CATSPERE: variants seen among roughly 807,000 people sequenced by gnomAD.
CATSPERE encodes cation channel sperm-associated auxiliary subunit epsilon.
A neutral mutation model predicts 114.1 loss-of-function variants in CATSPERE; 93 were observed. The ratio of observed to expected loss-of-function variants is 0.81; its 90% CI spans 0.69 to 0.97. CATSPERE has a LOEUF of 0.97. CATSPERE is among the 50% of genes least tolerant of loss of function. The pLI is 0.00. For missense variants in CATSPERE, 1,058 were observed against 1,131.6 expected, an observed-to-expected ratio of 0.93 and a Z score of 0.93; for synonymous variants, 341 against 384.1, an observed-to-expected ratio of 0.89 and a Z score of 1.31.
chr1:244,461,593 G>A, intron 1 of CATSPERE, 99 bp downstream of exon 1: 1 of 965,120 alleles, frequency 1.0e-6, no homozygotes, highest in South Asian at 5.1e-5. Flanking sequence ...CCTCGGGACC[G>A]CTCGCCCTGG....
intron 11 of CATSPERE, among the ~76,000 whole-genome samples, chr1:244,578,943 T>TTCCC (rs1665754668): frequency 6.6e-6 from 1 of 151,710 alleles, no homozygotes; most frequent in African/African-American, 2.4e-5. Context: ...GTTCAACATT[T>TTCCC]TCTTGTGATG....
chr1:244,619,223 A>G (rs1671780270), intron 20 of CATSPERE, among the ~76,000 whole-genome samples: 2 of 152,218 alleles, frequency 1.3e-5, no homozygotes, highest in Non-Finnish European at 2.9e-5. Flanking sequence ...AGGAGCATAC[A>G]TAAGTTAGCT....
At chr1:244,490,864 T>G (rs1671991906) in intron 6 of CATSPERE, among the ~76,000 whole-genome samples, 1 of 152,180 alleles carries the variant, frequency 6.6e-6, no homozygotes, top group South Asian at 2.1e-4. Context: ...AATTAACATA[T>G]AATAAATTTA....
At chr1:244,599,882 C>A (rs1464836109) in intron 17 of CATSPERE, among the ~76,000 whole-genome samples, 3 of 152,096 alleles carry the variant, frequency 2.0e-5, no homozygotes, top group Non-Finnish European at 2.9e-5. Context: ...TACAGTTTTT[C>A]AGCTTTGGGC....
chr1:244,591,810 G>T, intron 15 of CATSPERE, 79 bp downstream of exon 15: 2 of 868,746 alleles, frequency 2.3e-6, no homozygotes, highest in Admixed American at 2.6e-5. Context: ...TTATTCAGTG[G>T]ATTATTATTA....
At chr1:244,566,692 T>C (rs1346720504) in intron 10 of CATSPERE, among the ~76,000 whole-genome samples, 1 of 133,524 alleles carries the variant, frequency 7.5e-6, no homozygotes, top group Non-Finnish European at 1.6e-5. Context: ...TTTTTTGCTT[T>C]CCATTTGCTT....
intron 20 of CATSPERE, among the ~76,000 whole-genome samples, chr1:244,620,455 T>A (rs1671945642): frequency 6.6e-6 from 1 of 152,186 alleles, no homozygotes; most frequent in Non-Finnish European, 1.5e-5. Context: ...GTGGGGAGAA[T>A]CTGCTGTATC....
chr1:244,495,090 C>T (rs1404315981), intron 6 of CATSPERE, among the ~76,000 whole-genome samples: 6 of 152,106 alleles, frequency 3.9e-5, no homozygotes, highest in African/African-American at 1.4e-4. Flanking sequence ...TATGTGTGTA[C>T]ACTGCCAGTA....
At chr1:244,492,384 A>G (rs1365277447) in intron 6 of CATSPERE, among the ~76,000 whole-genome samples, 27 of 151,838 alleles carry the variant, frequency 1.8e-4, no homozygotes, top group Admixed American at 1.5e-3. Context: ...GCCTTTGACA[A>G]AATTCAACAA....
intron 6 of CATSPERE, among the ~76,000 whole-genome samples, chr1:244,495,495 G>C (rs368018477): frequency 3.3e-5 from 5 of 152,254 alleles, no homozygotes; most frequent in Admixed American, 6.5e-5. Flanking sequence ...GGCTGAGGCA[G>C]GCAGATCATG....
chr1:244,513,037 C>G (rs1255076728), intron 7 of CATSPERE, among the ~76,000 whole-genome samples: 2 of 152,210 alleles, frequency 1.3e-5, no homozygotes, highest in Middle Eastern at 3.2e-3. Context: ...AGTAGCAGGT[C>G]TGGGTAGACC....
In CATSPERE at chr1:244,567,402, G is replaced by A. The variant is rs142625830; in HGVS notation, c.1508-4928G>A. 8.0e-3 allele frequency among the ~76,000 whole-genome samples: 1,221 copies of A among 152,194 alleles called. 22 individuals carry two copies. The highest frequency in any genetic ancestry group is 0.027 in the African/African-American group (1,108 of 41,528). On this transcript the variant is annotated intron_variant, in intron 10 of 21. Coordinates refer to ENST00000366534, the MANE Select transcript of CATSPERE (RefSeq NM_001130957.2). ...ATTTGAATGTTGGCCTGTCTTGTTA[G>A]GTTGGGGAACTTCTCCTGGATAGTA...
chr1:244,639,796 C>G, intron 21 of CATSPERE, 132 bp from the exon 22 acceptor site: 1 of 765,484 alleles, frequency 1.3e-6, no homozygotes, highest in South Asian at 1.8e-5. Flanking sequence ...TGAGGGTGGA[C>G]AGTGTGTCTT....
intron 5 of CATSPERE, among the ~76,000 whole-genome samples, chr1:244,487,480 G>T (rs908537184): frequency 6.6e-6 from 1 of 152,132 alleles, no homozygotes; most frequent in Non-Finnish European, 1.5e-5. Context: ...TAGATACCTG[G>T]ATTAGGGGGA....
intron 20 of CATSPERE, among the ~76,000 whole-genome samples, chr1:244,631,844 T>C (rs1236684019): frequency 6.6e-6 from 1 of 152,218 alleles, no homozygotes; most frequent in Admixed American, 6.5e-5. Flanking sequence ...CATTCATTGC[T>C]GACAGAAATC....
intron 8 of CATSPERE, among the ~76,000 whole-genome samples, chr1:244,524,825 A>G (rs1012110491): frequency 4.1e-5 from 6 of 146,302 alleles, no homozygotes; most frequent in Admixed American, 1.3e-4. Flanking sequence ...CAATCATTAA[A>G]AAGTCAGGAA....
intron 18 of CATSPERE, among the ~76,000 whole-genome samples, chr1:244,608,371 C>A (rs1450630536): frequency 6.6e-6 from 1 of 151,626 alleles, no homozygotes; most frequent in Admixed American, 6.6e-5. Flanking sequence ...CTTCTCCACA[C>A]ACAAAAATTT....
At chr1:244,547,820 T>C (rs527567406) in intron 8 of CATSPERE, among the ~76,000 whole-genome samples, 5 of 152,356 alleles carry the variant, frequency 3.3e-5, no homozygotes, top group South Asian at 2.1e-4. Context: ...TAGAATTACA[T>C]TGAATGTAAG....
chr1:244,625,586 G>A (rs1485318976), intron 20 of CATSPERE, among the ~76,000 whole-genome samples: 4 of 149,368 alleles, frequency 2.7e-5, no homozygotes, highest in Non-Finnish European at 5.9e-5. Context: ...GTGCCACCAT[G>A]CCCGGCTAAT....
Sources: allele counts gnomAD v4.1 joint callset (sites outside exome capture counted in the v4.1 genomes callset), GRCh38; gene constraint gnomAD v4.1.1; transcripts MANE v1.5; gene names NCBI Gene and HGNC (gene_info 2026-07-23, HGNC 2026-07-21).